Variants in GRM5 observed in about 807,000 individuals in gnomAD.
The protein encoded by GRM5 is metabotropic glutamate receptor 5.
In GRM5, 19 loss-of-function variants were observed where a neutral mutation model predicts 83.1. That is an observed-to-expected ratio of 0.23 (90% CI 0.16 to 0.34). The LOEUF is 0.34. Among genes scored for constraint, GRM5 ranks in the 10% least tolerant of loss-of-function variants. The pLI, the probability that GRM5 is intolerant of heterozygous loss-of-function variation, is 1.00. For missense variants in GRM5, 1,160 were observed against 1,588.3 expected, an observed-to-expected ratio of 0.73 and a Z score of 4.58; for synonymous variants, 675 against 633.6, an observed-to-expected ratio of 1.07 and a Z score of -0.98.
intron 2 of GRM5, among the ~76,000 whole-genome samples, chr11:89,035,279 T>C (rs1297945100): frequency 2.6e-5 from 4 of 151,820 alleles, no homozygotes; most frequent in African/African-American, 9.7e-5. Context: ...AAAGTGAAAT[T>C]AAACTGACAT....
At chr11:88,897,825 C>A (rs1467083733) in intron 2 of GRM5, among the ~76,000 whole-genome samples, 2 of 151,928 alleles carry the variant, frequency 1.3e-5, no homozygotes, top group Non-Finnish European at 2.9e-5. Context: ...AGCTTTAATT[C>A]ATCCTTAAAA....
chr11:88,595,975 T>A (rs918546130), intron 6 of GRM5, among the ~76,000 whole-genome samples: 13 of 152,178 alleles, frequency 8.5e-5, no homozygotes, highest in African/African-American at 3.1e-4. Flanking sequence ...TTCAATCAAT[T>A]CCTAAATCTG....
chr11:88,596,982 A>G (rs573310754), intron 6 of GRM5, among the ~76,000 whole-genome samples: 1 of 152,224 alleles, frequency 6.6e-6, no homozygotes, highest in African/African-American at 2.4e-5. Context: ...AACATGACTC[A>G]TCAACTGGTT....
At chr11:89,043,909 G>T (rs1458932588) in intron 2 of GRM5, among the ~76,000 whole-genome samples, 3 of 152,122 alleles carry the variant, frequency 2.0e-5, no homozygotes, top group Admixed American at 2.0e-4. Flanking sequence ...ACACAAACTA[G>T]GAAGAAAGTT....
intron 4 of GRM5, among the ~76,000 whole-genome samples, chr11:88,640,813 C>T (rs1047037498): frequency 2.0e-5 from 3 of 152,090 alleles, no homozygotes; most frequent in Admixed American, 6.5e-5. Flanking sequence ...CCACGCTCTC[C>T]CTGGGTGCAT....
intron 3 of GRM5, among the ~76,000 whole-genome samples, chr11:88,670,764 C>T (rs1329081025): frequency 6.6e-6 from 1 of 151,996 alleles, no homozygotes; most frequent in African/African-American, 2.4e-5. Flanking sequence ...GCACTACTCA[C>T]AGACCAAAAT....
intron 3 of GRM5, among the ~76,000 whole-genome samples, chr11:88,678,085 G>A (rs11020930): frequency 0.018 from 2,709 of 147,784 alleles, 66 homozygotes; most frequent in East Asian, 0.098. Context: ...TAGAGACAGT[G>A]TCTTACTCTG....
chr11:88,526,281 T>C (rs982224482), intron 8 of GRM5, among the ~76,000 whole-genome samples: 2 of 152,220 alleles, frequency 1.3e-5, no homozygotes, highest in Admixed American at 1.3e-4. Context: ...TGAGTTCTTG[T>C]ATCTCAATGA....
intron 3 of GRM5, among the ~76,000 whole-genome samples, chr11:88,825,752 A>G (rs546856433): frequency 6.6e-6 from 1 of 152,330 alleles, no homozygotes; most frequent in South Asian, 2.1e-4. Flanking sequence ...TCTAACCACA[A>G]GAGAGATTAT....
chr11:88,752,325 C>G (rs958181415), intron 3 of GRM5, among the ~76,000 whole-genome samples: 1 of 151,940 alleles, frequency 6.6e-6, no homozygotes, highest in African/African-American at 2.4e-5. Flanking sequence ...GAGCCAGAAG[C>G]CAATCATGAA....
At chr11:88,627,373 GT>G (rs1478600820) in intron 4 of GRM5, among the ~76,000 whole-genome samples, 1 of 151,700 alleles carries the variant, frequency 6.6e-6, no homozygotes, top group African/African-American at 2.4e-5. Flanking sequence ...TAATTTCTTT[GT>G]GGCACATATT....
chr11:88,662,994 G>T (rs1321090304), intron 3 of GRM5, among the ~76,000 whole-genome samples: 4 of 152,190 alleles, frequency 2.6e-5, no homozygotes, highest in African/African-American at 9.6e-5. Flanking sequence ...CATCCAGAAA[G>T]TATGAAATAA....
At chr11:88,723,641 G>C (rs1329013445) in intron 3 of GRM5, among the ~76,000 whole-genome samples, 2 of 151,904 alleles carry the variant, frequency 1.3e-5, no homozygotes, top group Non-Finnish European at 2.9e-5. Context: ...CAAGCAACTA[G>C]ATAACAACTT....
chr11:88,772,981 G>A (rs937755064), intron 3 of GRM5, among the ~76,000 whole-genome samples: 14 of 152,048 alleles, frequency 9.2e-5, no homozygotes, highest in African/African-American at 3.4e-4. Context: ...GGGATTGCTG[G>A]GTCAAATGAT....
chr11:88,869,389 C>CA lies in GRM5; in HGVS notation c.662-19235dup, dbSNP rs5793354. On this transcript the variant is annotated intron_variant, in intron 2 of 9. Transcript: ENST00000305447. The stretch of plus-strand genomic sequence containing the variant: ...AATTAAAAACTCATTATTATTGATA[C>CA]AAAAAATGGTACCTGTCCAGTTTCC... Among the ~76,000 whole-genome samples the CA allele has an allele frequency of 2.0e-5, 3 of 151,300 alleles. No individual in the cohort carries two copies. The South Asian group carries it at 6.2e-4, about 31-fold the overall frequency.
At chr11:88,573,369 G>T (rs1484635329) in intron 7 of GRM5, among the ~76,000 whole-genome samples, 1 of 152,028 alleles carries the variant, frequency 6.6e-6, no homozygotes, top group African/African-American at 2.4e-5. Context: ...TGTTAGTTTT[G>T]CAGTATTAAT....
intron 4 of GRM5, among the ~76,000 whole-genome samples, chr11:88,616,853 A>G (rs980085343): frequency 1.3e-5 from 2 of 152,142 alleles, no homozygotes; most frequent in Non-Finnish European, 2.9e-5. Context: ...CTGTCTTGTA[A>G]CATTGGCGGT....
rs1939036343 is a variant in GRM5, at chr11:88,633,480, T to C, written c.1147+19688A>G. On this transcript the variant is annotated intron_variant, in intron 4 of 9. Coordinates refer to ENST00000305447, the MANE Select transcript of GRM5 (RefSeq NM_001143831.3). Reference sequence around the variant, plus strand: ...GTTTTCTTATAGATATTTTATAGTTTTAGGTTTCACATTTATATCTATAAT... The same window carrying C: ...GTTTTCTTATAGATATTTTATAGTTCTAGGTTTCACATTTATATCTATAAT... Among the ~76,000 whole-genome samples the C allele has an allele frequency of 3.3e-5, 5 of 152,268 alleles. No homozygotes were observed. The South Asian group carries it at 1.0e-3, about 32-fold the overall frequency.
At chr11:88,595,074 C>A (rs1937761643) in intron 6 of GRM5, among the ~76,000 whole-genome samples, 1 of 151,974 alleles carries the variant, frequency 6.6e-6, no homozygotes, top group African/African-American at 2.4e-5. Context: ...CCAAATTATC[C>A]ATTACATGCT....
Sources: allele counts gnomAD v4.1 joint callset (sites outside exome capture counted in the v4.1 genomes callset), GRCh38; gene constraint gnomAD v4.1.1; transcripts MANE v1.5; gene names NCBI Gene and HGNC (gene_info 2026-07-23, HGNC 2026-07-21).